The following CYBRD1 variants were observed in gnomAD, a reference collection of about 807,000 sequenced individuals.
CYBRD1 encodes the protein cytochrome b reductase 1.
Under a neutral mutation model 21.9 loss-of-function variants are expected in CYBRD1, and 14 were observed. The observed-to-expected ratio is 0.64, with a 90% CI of 0.42 to 1.00. The LOEUF (loss-of-function observed/expected upper bound fraction) is 1.00, where lower values mean the gene tolerates loss of function less well. CYBRD1 is among the 50% of genes least tolerant of loss of function. The pLI is 0.00. For synonymous variants in CYBRD1, 146 were observed against 136.5 expected (o/e 1.07, Z -0.48); for missense variants, 328 against 352.5 (o/e 0.93, Z 0.56).
At chr2:171,554,376 A>T in intron 3 of CYBRD1, 148 bp from the exon 4 acceptor site, 1 of 686,662 alleles carries the variant, frequency 1.5e-6, no homozygotes, top group Non-Finnish European at 2.4e-6. Flanking sequence ...AGTGAATTGT[A>T]GCATAATTTA....
chr2:171,522,392 C>T (rs892868539), upstream of CYBRD1: 1 of 1,496,182 alleles, frequency 6.7e-7, no homozygotes, highest in Non-Finnish European at 8.9e-7. This position sits in a 1 kb window ranked among gnomAD's most constrained non-coding sequence, Gnocchi z 4.3. Flanking sequence ...AGAGGCCCCA[C>T]ATTCCGGGCC....
chr2:171,530,693 C>G (rs202176947), intron 1 of CYBRD1, among the ~76,000 whole-genome samples: 1 of 151,878 alleles, frequency 6.6e-6, no homozygotes, highest in African/African-American at 2.4e-5. Context: ...AAAATTGGTT[C>G]AAACAAAAAG....
chr2:171,539,496 T>C (rs993775178), intron 1 of CYBRD1, among the ~76,000 whole-genome samples: 5 of 152,080 alleles, frequency 3.3e-5, no homozygotes, highest in Non-Finnish European at 5.9e-5. Context: ...ATATACGTGA[T>C]ACCCTGCTGA....
At chr2:171,525,714 C>G (rs1346881023) in intron 1 of CYBRD1, among the ~76,000 whole-genome samples, 1 of 152,076 alleles carries the variant, frequency 6.6e-6, no homozygotes, top group African/African-American at 2.4e-5. Flanking sequence ...AGTTATTACT[C>G]TAAGTATAAA....
At chr2:171,537,253 A>C (rs1011681075) in intron 1 of CYBRD1, among the ~76,000 whole-genome samples, 2 of 152,116 alleles carry the variant, frequency 1.3e-5, no homozygotes, top group Non-Finnish European at 2.9e-5. Context: ...GCACATTTTT[A>C]TTTTACTATT....
At position 171,554,530 on chromosome 2, in the gene CYBRD1, T is replaced by A; in HGVS notation, c.564T>A (p.Asp188Glu). 1 of 1,613,970 alleles carries A rather than the reference T, an allele frequency of 6.2e-7. No homozygotes were observed. ...LTEKLIFSLRDPAYSTFPPEG... is the reference protein window; with the variant it reads ...LTEKLIFSLREPAYSTFPPEG... ...TACATCTCTTATTTCATAGGAGAGA[T>A]CCTGCATACAGTACATTCCCGCCAG... is the stretch of plus-strand genomic sequence containing the variant. Residue 188 changes from aspartate to glutamate, a missense_variant, in exon 4 of 4, where the codon GAT (aspartate) becomes GAA (glutamate). Coordinates refer to ENST00000321348, the MANE Select transcript of CYBRD1 (RefSeq NM_024843.4).
chr2:171,528,177 C>A (rs1436778693), intron 1 of CYBRD1, among the ~76,000 whole-genome samples: 3 of 152,068 alleles, frequency 2.0e-5, no homozygotes, highest in Admixed American at 6.6e-5. Context: ...ACTCTGCCTC[C>A]CGGGTTCAAG....
intron 1 of CYBRD1, chr2:171,523,449 G>C (rs924275670): frequency 9.7e-5 from 20 of 207,074 alleles, no homozygotes; most frequent in Non-Finnish European, 2.1e-4. Flanking sequence ...GTCATTGGAC[G>C]GTCTTGAGCC....
chr2:171,523,386 G>A (rs1697339150), intron 1 of CYBRD1: 2 of 253,864 alleles, frequency 7.9e-6, no homozygotes, highest in African/African-American at 4.8e-5. Context: ...GTTAAACTCA[G>A]TCGAGTCCGG....
chr2:171,541,479 G>A, intron 1 of CYBRD1, 106 bp from the exon 2 acceptor site: 1 of 1,124,282 alleles, frequency 8.9e-7, no homozygotes, highest in East Asian at 2.4e-5. Context: ...CAAAAGCCAA[G>A]GGAAAAAGGT....
In CYBRD1 at chr2:171,555,307, T is replaced by A. The variant is rs1683466772; in HGVS notation, c.*480T>A. The A allele has an allele frequency of 5.9e-6, 1 of 169,036 alleles. No homozygotes were observed. The highest frequency in any genetic ancestry group is 2.4e-5 in the African/African-American group (1 of 41,572). The allele number at this position is 169,036 out of a possible 1,614,324, so 10.5% of individuals were successfully genotyped here. A position where few individuals can be genotyped will look rare whatever the true frequency, so the allele number is the denominator to read the frequency against. On this transcript the variant is annotated 3_prime_UTR_variant, in exon 4 of 4. Coordinates refer to ENST00000321348, the MANE Select transcript of CYBRD1 (RefSeq NM_024843.4). The stretch of plus-strand genomic sequence containing the variant: ...AGATCATGACTCTACACAGATACCA[T>A]GATGAGAGTATATTAAAGAAATTTA...
At chr2:171,531,154 CAAAAAA>C (rs5836342) in intron 1 of CYBRD1, among the ~76,000 whole-genome samples, 1 of 114,690 alleles carries the variant, frequency 8.7e-6, no homozygotes. Flanking sequence ...GACCCTGTCT[CAAAAAA>C]AAAAAAAAAA....
rs1403038782 is a variant in CYBRD1 at position 171,555,958 on chromosome 2, TG to T, written c.*1135del. On this transcript the variant is annotated 3_prime_UTR_variant, in exon 4 of 4. Coordinates refer to ENST00000321348, the MANE Select transcript of CYBRD1 (RefSeq NM_024843.4). ...CCTGAATAAACCTCAATTGCTGGAG[TG>T]GGGTGTAGTTATTAAAGGGATGCTT... 2 of 152,044 alleles carry T rather than the reference TG, an allele frequency of 1.3e-5. No individual in the cohort carries two copies. The highest frequency in any genetic ancestry group is 4.8e-5 in the African/African-American group (2 of 41,374). The allele number at this position is 152,044 out of a possible 1,614,324, so 9.4% of individuals were successfully genotyped here. A position where few individuals can be genotyped will look rare whatever the true frequency, so the allele number is the denominator to read the frequency against.
At chr2:171,541,550 C>T (rs1266487774) in intron 1 of CYBRD1, 35 bp from the exon 2 acceptor site, 2 of 1,598,516 alleles carry the variant, frequency 1.3e-6, no homozygotes, top group Non-Finnish European at 1.7e-6. Flanking sequence ...AAAAACAAAA[C>T]AAAACACATT....
intron 1 of CYBRD1, 45 bp from the exon 2 acceptor site, chr2:171,541,540 A>AAAAAC (rs553302637): frequency 1.3e-6 from 2 of 1,583,838 alleles, no homozygotes; most frequent in Non-Finnish European, 8.7e-7. Flanking sequence ...GTGTTGTTTA[A>AAAAAC]AAAACAAAAC....
intron 1 of CYBRD1, among the ~76,000 whole-genome samples, chr2:171,538,581 T>C (rs749288396): frequency 9.9e-5 from 15 of 152,176 alleles, no homozygotes; most frequent in Admixed American, 5.9e-4. Flanking sequence ...TAAGTAGCAG[T>C]CCTTCAGGGT....
At chr2:171,539,426 G>A (rs1697595151) in intron 1 of CYBRD1, among the ~76,000 whole-genome samples, 1 of 152,192 alleles carries the variant, frequency 6.6e-6, no homozygotes, top group Admixed American at 6.5e-5. Flanking sequence ...CAAGGCTGCA[G>A]TGAGCTGTGA....
chr2:171,524,251 C>T (rs1044705514), intron 1 of CYBRD1, among the ~76,000 whole-genome samples: 8 of 152,054 alleles, frequency 5.3e-5, no homozygotes, highest in African/African-American at 1.4e-4. Flanking sequence ...CATTTCGTTG[C>T]GTAACTCTCA....
intron 3 of CYBRD1, 77 bp from the exon 4 acceptor site, chr2:171,554,447 G>C: frequency 6.8e-7 from 1 of 1,474,938 alleles, no homozygotes; most frequent in Non-Finnish European, 9.4e-7. Flanking sequence ...TGTGCATTTT[G>C]AGCAGATAAA....
Sources: allele counts gnomAD v4.1 joint callset (sites outside exome capture counted in the v4.1 genomes callset), GRCh38; gene constraint gnomAD v4.1.1; non-coding constraint Gnocchi (gnomAD v3.1); transcripts MANE v1.5; gene names NCBI Gene and HGNC (gene_info 2026-07-23, HGNC 2026-07-21).